The following TJP2 variants were observed in gnomAD, a reference collection of about 807,000 sequenced individuals.
The protein encoded by TJP2 is tight junction protein 2, also known as Friedreich ataxia region gene X104 (tight junction protein ZO-2).
A neutral mutation model predicts 133.1 loss-of-function variants in TJP2; 91 were observed. The observed-to-expected ratio is 0.68, with a 90% confidence interval of 0.58 to 0.81. The LOEUF (loss-of-function observed/expected upper bound fraction) is 0.81. Among genes scored for constraint, TJP2 ranks in the 40% least tolerant of loss-of-function variants. The pLI is 0.00. For missense variants in TJP2, 1,541 were observed against 1,565.6 expected (o/e 0.98, Z 0.26); for synonymous variants, 592 against 583.4 (o/e 1.01, Z -0.21).
At chr9:69,137,295 CTTT>C (rs1822808611) in intron 1 of TJP2, among the ~76,000 whole-genome samples, 2 of 69,444 alleles carry the variant, frequency 2.9e-5, no homozygotes, top group Admixed American at 2.1e-4. Flanking sequence ...TTCTTTCTTT[CTTT>C]CTTTTCTTTT....
chr9:69,247,380 T>C (rs1831003012), intron 18 of TJP2, among the ~76,000 whole-genome samples: 1 of 152,144 alleles, frequency 6.6e-6, no homozygotes, highest in South Asian at 2.1e-4. Context: ...TGTGGCCGCT[T>C]TTATTTTAGA....
rs727504668 is a variant in TJP2 at position 69,218,339 on chromosome 9, A to T, written c.322A>T (p.Ser108Cys). The change falls in exon 4 of 23, where the codon AGT becomes TGT. Residue 108 changes from serine to cysteine, a missense_variant. Transcript: ENST00000377245. ...HSFAVQQLRK[S>C]GKVAAIVVKR... ...GTTTGCAGTTCAGCAGCTCAGAAAA[A>T]GTGGGAAGGTCGCTGCTATTGTAAG... The T allele has an allele frequency of 3.1e-6, 5 of 1,614,078 alleles. No homozygotes were observed. Among genetic ancestry groups the T allele is most frequent in the Admixed American group, 3.3e-5 (2 of 59,998 alleles).
intron 4 of TJP2, among the ~76,000 whole-genome samples, chr9:69,220,148 AT>A (rs1419445962): frequency 6.6e-6 from 1 of 152,218 alleles, no homozygotes; most frequent in Non-Finnish European, 1.5e-5. Flanking sequence ...TTAATAATAA[AT>A]TAAATAAATA....
chr9:69,148,681 T>C (rs190571582), intron 1 of TJP2, among the ~76,000 whole-genome samples: 99 of 152,314 alleles, frequency 6.5e-4, no homozygotes, highest in Middle Eastern at 6.8e-3. Context: ...TAATACTTTT[T>C]CTTGCTGTCT....
At chr9:69,226,508 T>C (rs1348912634) in intron 7 of TJP2, among the ~76,000 whole-genome samples, 1 of 151,208 alleles carries the variant, frequency 6.6e-6, no homozygotes, top group African/African-American at 2.4e-5. Flanking sequence ...TTGCTTATTG[T>C]TTTTTTTTGA....
chr9:69,185,073 T>C (rs1426525858), intron 1 of TJP2, among the ~76,000 whole-genome samples: 9 of 150,880 alleles, frequency 6.0e-5, no homozygotes, highest in Non-Finnish European at 1.3e-4. Context: ...CTTTTTTTTT[T>C]TTTTTTGAGA....
At chr9:69,167,897 ATGTC>A (rs1471374451) in intron 2 of TJP2, among the ~76,000 whole-genome samples, 1 of 151,840 alleles carries the variant, frequency 6.6e-6, no homozygotes, top group Admixed American at 6.6e-5. Context: ...AAGAAGAAGA[ATGTC>A]TGCGTGAAAA....
intron 1 of TJP2, among the ~76,000 whole-genome samples, chr9:69,126,917 C>A (rs1473717992): frequency 1.3e-5 from 1 of 76,564 alleles, no homozygotes; most frequent in East Asian, 3.9e-4. Flanking sequence ...GAGTTGTTAA[C>A]CATCACCACT....
intron 12 of TJP2, 125 bp from the exon 13 acceptor site, chr9:69,235,903 T>G: frequency 1.2e-6 from 1 of 849,660 alleles, no homozygotes. Flanking sequence ...GTGACTCCCA[T>G]AGGACTTGTG....
At chr9:69,186,971 C>T (rs1825900172) in intron 1 of TJP2, among the ~76,000 whole-genome samples, 2 of 152,052 alleles carry the variant, frequency 1.3e-5, no homozygotes, top group Admixed American at 1.3e-4. Flanking sequence ...GGCGTTTCTG[C>T]TGAGAAATGT....
At chr9:69,144,966 T>C (rs1404013197) in intron 1 of TJP2, among the ~76,000 whole-genome samples, 3 of 152,104 alleles carry the variant, frequency 2.0e-5, no homozygotes, top group African/African-American at 7.2e-5. Flanking sequence ...GTAAGGAAGC[T>C]CTTCAAAGCC....
chr9:69,180,091 C>G (rs1825386182), intron 1 of TJP2, among the ~76,000 whole-genome samples: 1 of 152,142 alleles, frequency 6.6e-6, no homozygotes, highest in East Asian at 1.9e-4. Context: ...ACAGTATGCT[C>G]TATATTATAG....
At chr9:69,180,825 A>G (rs967155272) in intron 1 of TJP2, among the ~76,000 whole-genome samples, 1 of 152,184 alleles carries the variant, frequency 6.6e-6, no homozygotes, top group Admixed American at 6.5e-5. Flanking sequence ...GGCTGAATCA[A>G]TTGTGTTCTT....
intron 1 of TJP2, among the ~76,000 whole-genome samples, chr9:69,133,683 C>A (rs1040653336): frequency 2.0e-5 from 3 of 151,556 alleles, no homozygotes; most frequent in African/African-American, 7.3e-5. Context: ...TCCTGAGTAG[C>A]TGGGACTACA....
chr9:69,185,264 G>A (rs1043119544), intron 1 of TJP2, among the ~76,000 whole-genome samples: 36 of 152,126 alleles, frequency 2.4e-4, no homozygotes, highest in African/African-American at 8.4e-4. Flanking sequence ...GTTTCACCAT[G>A]TTGGCCAGGC....
At chr9:69,191,710 G>A (rs1038267266) in intron 1 of TJP2, among the ~76,000 whole-genome samples, 22 of 152,008 alleles carry the variant, frequency 1.4e-4, no homozygotes, top group African/African-American at 2.9e-4. Flanking sequence ...GAGACTAAAC[G>A]TTCAATGACT....
Position 69,221,414 on chromosome 9 carries a change from G to A in TJP2, c.870G>A (p.Pro290=), listed in dbSNP as rs1828842080. 4 of 1,584,202 alleles carry A rather than the reference G, an allele frequency of 2.5e-6. No homozygotes were observed. Among genetic ancestry groups the A allele is most frequent in the Non-Finnish European group, 3.4e-6 (4 of 1,165,428 alleles). Residue 290 remains proline, a synonymous_variant, in exon 5 of 23, where the codon CCG becomes CCA. Transcript: ENST00000377245. ...CCCGAAGCCGCAGCCGCGAGCACCCGCACTCACGGAGCCCCAGCCCCGAGC... is the reference window on the plus strand; with the variant it reads ...CCCGAAGCCGCAGCCGCGAGCACCCACACTCACGGAGCCCCAGCCCCGAGC... ...RGPRSRSREH[P]HSRSPSPEPR...
intron 1 of TJP2, among the ~76,000 whole-genome samples, chr9:69,144,412 C>T (rs1008622891): frequency 1.1e-4 from 17 of 152,130 alleles, no homozygotes; most frequent in Non-Finnish European, 1.9e-4. Context: ...TGCATAATGG[C>T]TCCCCTTCTA....
At chr9:69,134,079 C>G (rs1822623358) in intron 1 of TJP2, among the ~76,000 whole-genome samples, 1 of 152,182 alleles carries the variant, frequency 6.6e-6, no homozygotes, top group Non-Finnish European at 1.5e-5. Context: ...TGCTGGGTCG[C>G]AGTTGCTTGT....
Sources: allele counts gnomAD v4.1 joint callset (sites outside exome capture counted in the v4.1 genomes callset), GRCh38; gene constraint gnomAD v4.1.1; transcripts MANE v1.5; gene names NCBI Gene and HGNC (gene_info 2026-07-23, HGNC 2026-07-21).